Variants in PPP1R12B observed in about 807,000 individuals in gnomAD.
PPP1R12B encodes protein phosphatase 1 regulatory subunit 12B.
In PPP1R12B, 76 loss-of-function variants were observed where a neutral mutation model predicts 126.1. The ratio of observed to expected loss-of-function variants is 0.60; its 90% CI spans 0.50 to 0.73. The LOEUF (loss-of-function observed/expected upper bound fraction) is 0.73, where lower values mean the gene tolerates loss of function less well. Among genes scored for constraint, PPP1R12B ranks in the 30% least tolerant of loss-of-function variants. The pLI is 0.00. For missense variants in PPP1R12B, 1,052 were observed against 1,205.1 expected (o/e 0.87, Z 1.88); for synonymous variants, 356 against 434.7 (o/e 0.82, Z 2.25).
At chr1:202,456,161 C>T (rs1673604490) in intron 13 of PPP1R12B, among the ~76,000 whole-genome samples, 1 of 151,584 alleles carries the variant, frequency 6.6e-6, no homozygotes, top group African/African-American at 2.4e-5. Flanking sequence ...CCCAGCTACT[C>T]AGGAGGCTGA....
At chr1:202,426,392 C>T (rs943193421) in intron 4 of PPP1R12B, among the ~76,000 whole-genome samples, 1 of 152,228 alleles carries the variant, frequency 6.6e-6, no homozygotes, top group Non-Finnish European at 1.5e-5. Context: ...ATAGCGCTAT[C>T]CATAAGGGCC....
chr1:202,485,304 A>G (rs78777106), intron 13 of PPP1R12B, among the ~76,000 whole-genome samples: 1,584 of 152,014 alleles, frequency 0.01, 28 homozygotes, highest in African/African-American at 0.037. Context: ...TGGCAGGGCT[A>G]CAGGAATGGA....
intron 8 of PPP1R12B, 98 bp from the exon 9 acceptor site, chr1:202,434,558 G>A: frequency 6.9e-7 from 1 of 1,451,118 alleles, no homozygotes. Flanking sequence ...AATCTGTTTT[G>A]ATAATGGGCA....
At chr1:202,438,361 G>A in intron 10 of PPP1R12B, 3 of 879,978 alleles carry the variant, frequency 3.4e-6, no homozygotes, top group Non-Finnish European at 5.1e-6. Context: ...TAGGGGTCCT[G>A]GATCCAGAGG....
chr1:202,591,214 G>A lies in PPP1R12B; in HGVS notation c.*10654G>A, dbSNP rs1690101361. The A allele has an allele frequency of 6.6e-6, 1 of 152,366 alleles. No homozygotes were observed. Among genetic ancestry groups the A allele is most frequent in the African/African-American group, 2.4e-5 (1 of 41,458 alleles). 9.4% of individuals were successfully genotyped at this position (152,366 alleles called of 1,614,324 possible). A position where few individuals can be genotyped will look rare whatever the true frequency, so the allele number is the denominator to read the frequency against. On this transcript the variant is annotated 3_prime_UTR_variant, in exon 24 of 24. Transcript: ENST00000608999. ...CCTGGGACTTCTGTGTGCAACTTCT[G>A]TTGTGGTTTGTGCAGGGCAAGCCTG...
chr1:202,416,525 TAAAAAAAAAAAA>T (rs35476608), intron 1 of PPP1R12B, among the ~76,000 whole-genome samples: 5 of 111,662 alleles, frequency 4.5e-5, no homozygotes, highest in African/African-American at 1.8e-4. Context: ...AAACTCTGTC[TAAAAAAAAAAAA>T]AAAAAAAAAG....
intron 13 of PPP1R12B, among the ~76,000 whole-genome samples, chr1:202,480,914 C>T (rs2148818438): frequency 1.3e-5 from 2 of 152,220 alleles, no homozygotes; most frequent in Middle Eastern, 3.4e-3. Flanking sequence ...AGCAGTGTTC[C>T]CCAACCTTTT....
intron 18 of PPP1R12B, chr1:202,501,884 C>G (rs1267859913): frequency 1.4e-5 from 14 of 984,730 alleles, no homozygotes; most frequent in Non-Finnish European, 1.7e-5. Context: ...AATTGACTTG[C>G]TAGTAGCATC....
intron 18 of PPP1R12B, among the ~76,000 whole-genome samples, chr1:202,536,320 C>A (rs116342581): frequency 0.043 from 6,518 of 152,232 alleles, 374 homozygotes; most frequent in African/African-American, 0.13. Context: ...GGATACAAAC[C>A]TGTACAGCAT....
chr1:202,361,355 C>T (rs552147699), intron 1 of PPP1R12B, among the ~76,000 whole-genome samples: 122 of 152,244 alleles, frequency 8.0e-4, no homozygotes, highest in African/African-American at 2.8e-3. Context: ...GTGAGGGCCT[C>T]GGGAAGCTTA....
intron 13 of PPP1R12B, among the ~76,000 whole-genome samples, chr1:202,476,437 A>G (rs532609547): frequency 6.6e-6 from 1 of 151,394 alleles, no homozygotes; most frequent in Admixed American, 6.6e-5. Context: ...TAATCCCATC[A>G]CTTTGGGAGG....
At chr1:202,529,305 G>GAA (rs1216109447) in intron 18 of PPP1R12B, among the ~76,000 whole-genome samples, 3 of 117,220 alleles carry the variant, frequency 2.6e-5, no homozygotes, top group Admixed American at 8.8e-5. Context: ...TGTTATTATT[G>GAA]AAAAAAAAAA....
At chr1:202,414,740 T>C (rs1667841493) in intron 1 of PPP1R12B, among the ~76,000 whole-genome samples, 1 of 152,186 alleles carries the variant, frequency 6.6e-6, no homozygotes, top group African/African-American at 2.4e-5. Context: ...AAGTGGCTAG[T>C]TCATCTCACA....
At chr1:202,492,107 A>G (rs1678956369) in intron 14 of PPP1R12B, among the ~76,000 whole-genome samples, 1 of 151,942 alleles carries the variant, frequency 6.6e-6, no homozygotes, top group Non-Finnish European at 1.5e-5. Context: ...CCCCCTACCC[A>G]AGTTCTTTTT....
intron 13 of PPP1R12B, among the ~76,000 whole-genome samples, chr1:202,465,010 A>T (rs1674798392): frequency 1.3e-5 from 2 of 152,204 alleles, no homozygotes; most frequent in Non-Finnish European, 2.9e-5. Context: ...GTTGGCCTTT[A>T]AGTATATGAA....
At chr1:202,377,831 T>G (rs12745711) in intron 1 of PPP1R12B, among the ~76,000 whole-genome samples, 1 of 98,746 alleles carries the variant, frequency 1.0e-5, no homozygotes, top group Non-Finnish European at 1.9e-5. Flanking sequence ...CAAAGACAGG[T>G]GTTTTTTTTT....
intron 18 of PPP1R12B, chr1:202,540,135 G>T: frequency 6.2e-7 from 1 of 1,604,760 alleles, no homozygotes; most frequent in South Asian, 1.1e-5. Flanking sequence ...GCATCCTGAG[G>T]AACCATGTCC....
intron 13 of PPP1R12B, among the ~76,000 whole-genome samples, chr1:202,456,263 C>T (rs1318098125): frequency 2.0e-5 from 3 of 148,132 alleles, no homozygotes; most frequent in Admixed American, 1.3e-4. Flanking sequence ...AGCAAGAATC[C>T]GTCTCAAAAA....
intron 18 of PPP1R12B, among the ~76,000 whole-genome samples, chr1:202,504,026 C>CCT (rs1468692040): frequency 6.6e-6 from 1 of 152,138 alleles, no homozygotes; most frequent in Non-Finnish European, 1.5e-5. Context: ...TGTTAACTTA[C>CCT]CTCTTGGTCT....
Sources: allele counts gnomAD v4.1 joint callset (sites outside exome capture counted in the v4.1 genomes callset), GRCh38; gene constraint gnomAD v4.1.1; transcripts MANE v1.5; gene names NCBI Gene and HGNC (gene_info 2026-07-23, HGNC 2026-07-21).